The following PDE7B variants were observed in gnomAD, a reference collection of about 807,000 sequenced individuals.
The protein encoded by PDE7B is 3',5'-cyclic-AMP phosphodiesterase 7B.
A neutral mutation model predicts 56.2 loss-of-function variants in PDE7B; 29 were observed. The ratio of observed to expected loss-of-function variants is 0.52; its 90% CI spans 0.38 to 0.70. PDE7B has a LOEUF of 0.70. PDE7B is among the 30% of genes least tolerant of loss of function. The pLI is 0.00. For synonymous variants in PDE7B, 197 were observed against 196.9 expected (o/e 1.00, Z 0.00); for missense variants, 490 against 565.0 (o/e 0.87, Z 1.35).
At chr6:136,165,278 C>CGT (rs1778774624) in intron 8 of PDE7B, among the ~76,000 whole-genome samples, 3 of 151,888 alleles carry the variant, frequency 2.0e-5, no homozygotes, top group African/African-American at 7.3e-5. Flanking sequence ...TAGATAAGGT[C>CGT]GTGTGTGTGT....
chr6:135,858,208 A>G (rs1433731614), intron 1 of PDE7B, among the ~76,000 whole-genome samples: 1 of 151,982 alleles, frequency 6.6e-6, no homozygotes, highest in Non-Finnish European at 1.5e-5. Flanking sequence ...GGTGGAGTGA[A>G]GTGGCACGAT....
chr6:135,973,021 G>A (rs1562456853), intron 2 of PDE7B, among the ~76,000 whole-genome samples: 1 of 152,136 alleles, frequency 6.6e-6, no homozygotes, highest in Non-Finnish European at 1.5e-5. Context: ...AAATGTTTGA[G>A]TGTATATACA....
intron 2 of PDE7B, among the ~76,000 whole-genome samples, chr6:135,996,818 G>A (rs1775572392): frequency 6.6e-6 from 1 of 152,150 alleles, no homozygotes; most frequent in Non-Finnish European, 1.5e-5. Context: ...GAAGGATCCA[G>A]GGTAGATAAC....
At chr6:135,894,937 CAT>C (rs982358514) in intron 1 of PDE7B, among the ~76,000 whole-genome samples, 1 of 152,004 alleles carries the variant, frequency 6.6e-6, no homozygotes, top group Admixed American at 6.6e-5. Context: ...CAGAAAGAAT[CAT>C]ATTTCAATTT....
chr6:135,914,821 G>T (rs946637082), intron 1 of PDE7B, among the ~76,000 whole-genome samples: 48 of 148,436 alleles, frequency 3.2e-4, no homozygotes, highest in African/African-American at 1.2e-3. Context: ...CTGGCCTGGC[G>T]TGGTGGCTCA....
At position 136,058,031 on chromosome 6, in the gene PDE7B, C is replaced by T. The variant is rs1295878185; in HGVS notation, c.83-50700C>T. Reference sequence around the variant, plus strand: ...GGATTACAGGCATGAGGCACTGCGCCCGCCTCTGCTCACAATTTAATAATG... The same window carrying T: ...GGATTACAGGCATGAGGCACTGCGCTCGCCTCTGCTCACAATTTAATAATG... On this transcript the variant is annotated intron_variant, in intron 2 of 12. Transcript: ENST00000308191. 2.0e-5 allele frequency among the ~76,000 whole-genome samples: 3 copies of T among 152,170 alleles called. No individual in the cohort carries two copies. In the East Asian group the frequency reaches 5.8e-4, roughly 29 times the overall value.
intron 2 of PDE7B, among the ~76,000 whole-genome samples, chr6:136,000,234 G>C (rs926962259): frequency 6.6e-6 from 1 of 152,158 alleles, no homozygotes; most frequent in African/African-American, 2.4e-5. Context: ...CTTTTGCTGT[G>C]ATGAAGCTCT....
intron 1 of PDE7B, among the ~76,000 whole-genome samples, chr6:135,899,739 C>T (rs1775966658): frequency 6.6e-6 from 1 of 151,852 alleles, no homozygotes; most frequent in Admixed American, 6.6e-5. Flanking sequence ...TTATGGTAGT[C>T]TTGGATTTCT....
chr6:135,990,019 G>A (rs1775451370), intron 2 of PDE7B, among the ~76,000 whole-genome samples: 1 of 152,034 alleles, frequency 6.6e-6, no homozygotes, highest in Admixed American at 6.6e-5. Flanking sequence ...GATTATGTGG[G>A]GAATGCATTG....
intron 3 of PDE7B, among the ~76,000 whole-genome samples, chr6:136,118,247 C>T (rs889149327): frequency 3.9e-5 from 6 of 152,140 alleles, no homozygotes; most frequent in African/African-American, 1.4e-4. Context: ...CTTCAATCCT[C>T]CCAAAGGAGT....
At chr6:136,052,738 A>G (rs575104664) in intron 2 of PDE7B, among the ~76,000 whole-genome samples, 2 of 152,078 alleles carry the variant, frequency 1.3e-5, no homozygotes, top group Non-Finnish European at 2.9e-5. Context: ...TTTAGATAGC[A>G]GAAGTGTTTT....
intron 4 of PDE7B, 70 bp from the exon 5 acceptor site, chr6:136,149,017 A>G (rs1163226265): frequency 3.7e-6 from 4 of 1,076,174 alleles, no homozygotes; most frequent in South Asian, 2.5e-5. Context: ...TTAATCCACT[A>G]TATCCCAAAG....
rs759762968 is a variant in PDE7B at position 135,947,559 on chromosome 6, T to C, written c.82+35T>C. On this transcript the variant is annotated intron_variant, in intron 2 of 12. Transcript: ENST00000308191. ...CTTCTCATTTTAAATATATTAAGCA[T>C]GTTGATGTCATGTGGAGTTATCATT... 5 of 1,456,228 alleles carry C rather than the reference T, an allele frequency of 3.4e-6. No homozygotes were observed. The South Asian group carries it at 4.6e-5, about 13-fold the overall frequency. 90.2% of individuals were successfully genotyped at this position (1,456,228 alleles called of 1,614,324 possible).
At chr6:135,990,678 T>G (rs1196308984) in intron 2 of PDE7B, among the ~76,000 whole-genome samples, 1 of 152,152 alleles carries the variant, frequency 6.6e-6, no homozygotes, top group Non-Finnish European at 1.5e-5. Context: ...TGTTTGAAAA[T>G]TGCTTTAAAA....
chr6:136,098,785 T>A (rs1481378490), intron 2 of PDE7B, among the ~76,000 whole-genome samples: 1 of 152,126 alleles, frequency 6.6e-6, no homozygotes, highest in Non-Finnish European at 1.5e-5. Flanking sequence ...TCTTTTTTTT[T>A]TTTATTATTC....
At chr6:136,135,173 C>T (rs907112333) in intron 3 of PDE7B, among the ~76,000 whole-genome samples, 1 of 152,010 alleles carries the variant, frequency 6.6e-6, no homozygotes, top group Non-Finnish European at 1.5e-5. Flanking sequence ...TATTCAAGAC[C>T]TGAGTTTGGA....
At chr6:135,912,973 T>C (rs1583763742) in intron 1 of PDE7B, among the ~76,000 whole-genome samples, 1 of 152,098 alleles carries the variant, frequency 6.6e-6, no homozygotes, top group East Asian at 1.9e-4. Flanking sequence ...GTGCTAGAAA[T>C]GAGAACATCC....
intron 1 of PDE7B, among the ~76,000 whole-genome samples, chr6:135,931,586 T>TA: frequency 6.6e-6 from 1 of 152,270 alleles, no homozygotes; most frequent in East Asian, 1.9e-4. Flanking sequence ...GTAACAATGA[T>TA]AAAAATTTTT....
intron 1 of PDE7B, among the ~76,000 whole-genome samples, chr6:135,888,206 T>C (rs1775743702): frequency 6.6e-6 from 1 of 152,196 alleles, no homozygotes; most frequent in Non-Finnish European, 1.5e-5. Flanking sequence ...TTACAGACAC[T>C]GAGTAACCTC....
Sources: allele counts gnomAD v4.1 joint callset (sites outside exome capture counted in the v4.1 genomes callset), GRCh38; gene constraint gnomAD v4.1.1; transcripts MANE v1.5; gene names NCBI Gene and HGNC (gene_info 2026-07-23, HGNC 2026-07-21).